CD96: variants seen among roughly 807,000 people sequenced by gnomAD.
CD96 encodes T-cell surface protein tactile.
Under a neutral mutation model 71.3 loss-of-function variants are expected in CD96, and 70 were observed. The observed-to-expected ratio is 0.98, with a 90% CI of 0.81 to 1.20. CD96 has a LOEUF of 1.20. Among genes scored for constraint, CD96 ranks in the 50% most tolerant of loss-of-function variants. CD96 has a pLI of 0.00. For missense variants in CD96, 742 were observed against 677.5 expected (o/e 1.10, Z -1.06); for synonymous variants, 248 against 233.0 (o/e 1.06, Z -0.59).
intron 2 of CD96, among the ~76,000 whole-genome samples, chr3:111,545,833 A>T (rs549024151): frequency 6.6e-6 from 1 of 152,304 alleles, no homozygotes; most frequent in East Asian, 1.9e-4. Flanking sequence ...TGGGACAGCA[A>T]TACAGCAATT....
intron 8 of CD96, among the ~76,000 whole-genome samples, chr3:111,617,835 T>C (rs1319868820): frequency 6.6e-5 from 10 of 152,236 alleles, no homozygotes; most frequent in Non-Finnish European, 1.5e-4. Context: ...TTGCAAGCAA[T>C]GAGAAGGAGA....
chr3:111,554,767 T>C (rs1934903141), intron 2 of CD96, among the ~76,000 whole-genome samples: 1 of 152,062 alleles, frequency 6.6e-6, no homozygotes, highest in Admixed American at 6.6e-5. Flanking sequence ...ACATTTATTG[T>C]GCACTTTATT....
chr3:111,638,070 T>C lies in CD96; in HGVS notation c.1388-9T>C, dbSNP rs1376794745. The stretch of plus-strand genomic sequence containing the variant: ...ATGTCTTGTCCAGATATCCCCTTTA[T>C]ATCCCTAGACAATGTCTTTACCAGC... On this transcript the variant is annotated splice_polypyrimidine_tract_variant and intron_variant, in intron 11 of 13. Transcript: ENST00000352690. The C allele has an allele frequency of 6.6e-7, 1 of 1,520,814 alleles. No individual in the cohort carries two copies. Among genetic ancestry groups the C allele is most frequent in the Non-Finnish European group, 9.1e-7 (1 of 1,095,068 alleles). The allele number at this position is 1,520,814 out of a possible 1,614,324, so 94.2% of individuals were successfully genotyped here.
chr3:111,584,920 C>G lies in CD96; in HGVS notation c.752-403C>G, dbSNP rs577159856. 2.0e-5 allele frequency among the ~76,000 whole-genome samples: 3 copies of G among 152,286 alleles called. No homozygotes were observed. In the South Asian group the frequency reaches 6.2e-4, roughly 32 times the overall value. On this transcript the variant is annotated intron_variant, in intron 4 of 13. Coordinates refer to ENST00000352690, the MANE Select transcript of CD96 (RefSeq NM_005816.5). ...CCAGTCTTCCACATTCCCAATTTTA[C>G]TTGACTCATCACTGATAACCACATC...
rs183524994 is a variant in CD96 at position 111,569,407 on chromosome 3, G to T, written c.543+1760G>T. ...AAAAGTAAGTCTTCCTGGACAGTAGGCCTATCATTAGGATGAGTATAAGTC... is the reference window on the plus strand; with the variant it reads ...AAAAGTAAGTCTTCCTGGACAGTAGTCCTATCATTAGGATGAGTATAAGTC... On this transcript the variant is annotated intron_variant, in intron 3 of 13. Coordinates refer to ENST00000352690, the MANE Select transcript of CD96 (RefSeq NM_005816.5). 4.6e-5 allele frequency among the ~76,000 whole-genome samples: 7 copies of T among 152,290 alleles called. No homozygotes were observed. The East Asian group carries it at 1.3e-3, about 29-fold the overall frequency.
In CD96 at chr3:111,612,700, A is replaced by G. The variant is rs116464316; in HGVS notation, c.1180+5908A>G. 501 of 162,664 alleles carry G rather than the reference A, an allele frequency of 3.1e-3. 1 individual carries two copies. Among genetic ancestry groups the G allele is most frequent in the Non-Finnish European group, 5.0e-3 (390 of 77,590 alleles). 10.1% of individuals were successfully genotyped at this position (162,664 alleles called of 1,614,324 possible). A position where few individuals can be genotyped will look rare whatever the true frequency, so the allele number is the denominator to read the frequency against. On this transcript the variant is annotated intron_variant, in intron 8 of 13. Coordinates refer to ENST00000352690, the MANE Select transcript of CD96 (RefSeq NM_005816.5). ...TGAGTCCTGCTGCCTCAAAGAGTAC[A>G]TGGTTGGTGCTGAATAAATGTCTTT...
intron 2 of CD96, among the ~76,000 whole-genome samples, chr3:111,553,094 C>A (rs1934800401): frequency 6.7e-6 from 1 of 150,004 alleles, no homozygotes; most frequent in Admixed American, 6.6e-5. Flanking sequence ...AAAAAAAAGC[C>A]ATAATCTACC....
intron 10 of CD96, among the ~76,000 whole-genome samples, chr3:111,631,430 C>T (rs1346764805): frequency 6.6e-6 from 1 of 152,046 alleles, no homozygotes; most frequent in Non-Finnish European, 1.5e-5. Flanking sequence ...CCTAGGAGTA[C>T]AGCTAACAAA....
intron 8 of CD96, among the ~76,000 whole-genome samples, chr3:111,614,435 A>G (rs895886814): frequency 6.6e-6 from 1 of 152,100 alleles, no homozygotes; most frequent in Admixed American, 6.5e-5. Context: ...AAATTGCCAT[A>G]TTGACTTCAT....
At chr3:111,555,882 AC>A (rs549648844) in intron 2 of CD96, among the ~76,000 whole-genome samples, 452 of 152,148 alleles carry the variant, frequency 3.0e-3, no homozygotes, top group African/African-American at 0.011. Context: ...TTCTTTTTCT[AC>A]TACTCCTGTT....
At chr3:111,557,483 T>G (rs1935127639) in intron 2 of CD96, among the ~76,000 whole-genome samples, 1 of 116,664 alleles carries the variant, frequency 8.6e-6, no homozygotes, top group Non-Finnish European at 1.7e-5. Context: ...CATTGCTTGT[T>G]TTTCTCAGGT....
chr3:111,562,110 G>A (rs960390854), intron 2 of CD96, among the ~76,000 whole-genome samples: 1 of 152,334 alleles, frequency 6.6e-6, no homozygotes, highest in South Asian at 2.1e-4. Flanking sequence ...CCACTGTCTG[G>A]CGCTCCCTAG....
intron 3 of CD96, among the ~76,000 whole-genome samples, chr3:111,569,517 T>G (rs1415709027): frequency 1.3e-5 from 2 of 152,226 alleles, no homozygotes; most frequent in African/African-American, 4.8e-5. Context: ...AGAAATGTAC[T>G]ATACTAAACC....
At chr3:111,656,538 C>T (rs1327406193), downstream of CD96, among the ~76,000 whole-genome samples, 2 of 152,154 alleles carry the variant, frequency 1.3e-5, no homozygotes, top group Non-Finnish European at 2.9e-5. Context: ...CCAACAATAT[C>T]AGAATATATA....
At chr3:111,593,817 G>A (rs375389645) in intron 5 of CD96, 2 of 1,614,038 alleles carry the variant, frequency 1.2e-6, no homozygotes, top group African/African-American at 1.3e-5. Context: ...GGGAGCTGGG[G>A]CCCGTGGGGC....
chr3:111,650,736 C>T lies in CD96; in HGVS notation c.*930C>T, dbSNP rs1007607188. 2.0e-5 allele frequency: 3 copies of T among 152,150 alleles called. No individual in the cohort carries two copies. Among genetic ancestry groups the T allele is most frequent in the Non-Finnish European group, 4.4e-5 (3 of 68,050 alleles). 9.4% of individuals were successfully genotyped at this position (152,150 alleles called of 1,614,324 possible). A position where few individuals can be genotyped will look rare whatever the true frequency, so the allele number is the denominator to read the frequency against. ...ATCAGACCAGCACTGATTAATTAAC[C>T]CTGCTCCTACCAATCTTTTTTAAAG... is the stretch of plus-strand genomic sequence containing the variant. On this transcript the variant is annotated 3_prime_UTR_variant, in exon 14 of 14. Transcript: ENST00000352690.
intron 4 of CD96, among the ~76,000 whole-genome samples, chr3:111,581,640 G>A (rs1936471693): frequency 6.6e-6 from 1 of 152,286 alleles, no homozygotes; most frequent in South Asian, 2.1e-4. Context: ...CCATCACAGG[G>A]TTCTGTTCCA....
chr3:111,559,159 C>T (rs1003655465), intron 2 of CD96, among the ~76,000 whole-genome samples: 1 of 150,832 alleles, frequency 6.6e-6, no homozygotes, highest in African/African-American at 2.4e-5. Flanking sequence ...AAAAAACCAG[C>T]TCCTGGATTC....
intron 3 of CD96, 58 bp from the exon 4 acceptor site, chr3:111,578,969 C>G (rs1184891844): frequency 4.7e-6 from 4 of 846,776 alleles, no homozygotes; most frequent in Non-Finnish European, 8.3e-6. Flanking sequence ...TGTCGAATGC[C>G]TAGTTCAGAG....
Sources: allele counts gnomAD v4.1 joint callset (sites outside exome capture counted in the v4.1 genomes callset), GRCh38; gene constraint gnomAD v4.1.1; transcripts MANE v1.5; gene names NCBI Gene and HGNC (gene_info 2026-07-23, HGNC 2026-07-21).